Variants in CACNA2D3 observed in about 807,000 individuals in gnomAD.
The protein encoded by CACNA2D3 is calcium voltage-gated channel auxiliary subunit alpha2delta 3.
In CACNA2D3, 60 loss-of-function variants were observed where a neutral mutation model predicts 160.6. The ratio of observed to expected loss-of-function variants is 0.37; its 90% CI spans 0.30 to 0.46. The LOEUF (loss-of-function observed/expected upper bound fraction) is 0.46, where lower values mean the gene tolerates loss of function less well. Among genes scored for constraint, CACNA2D3 ranks in the 20% least tolerant of loss-of-function variants. The pLI, the probability that CACNA2D3 is intolerant of heterozygous loss-of-function variation, is 1.00. For missense variants in CACNA2D3, 1,205 were observed against 1,365.0 expected, an observed-to-expected ratio of 0.88 and a Z score of 1.85; for synonymous variants, 558 against 492.9, an observed-to-expected ratio of 1.13 and a Z score of -1.75.
At position 54,532,131 on chromosome 3, in the gene CACNA2D3, G is replaced by A. The variant is rs568549979; in HGVS notation, c.544+28477G>A. On this transcript the variant is annotated intron_variant, in intron 5 of 37. Transcript: ENST00000474759. Reference sequence around the variant, plus strand: ...ATGTAGGGGGTAAAAGTGTGGGGAAGAGAAAGAGAGATCCAATTGTTACTG... The same window carrying A: ...ATGTAGGGGGTAAAAGTGTGGGGAAAAGAAAGAGAGATCCAATTGTTACTG... 2.1e-4 allele frequency among the ~76,000 whole-genome samples: 32 copies of A among 152,264 alleles called. No individual in the cohort carries two copies. In the South Asian group the frequency reaches 5.8e-3, roughly 28 times the overall value.
intron 5 of CACNA2D3, among the ~76,000 whole-genome samples, chr3:54,538,632 C>T (rs148508682): frequency 1.3e-5 from 2 of 152,250 alleles, no homozygotes; most frequent in African/African-American, 4.8e-5. Context: ...AAGGGAAGGC[C>T]GGCTTTCTCC....
intron 3 of CACNA2D3, among the ~76,000 whole-genome samples, chr3:54,322,343 C>T (rs939781158): frequency 1.3e-5 from 2 of 152,212 alleles, no homozygotes; most frequent in Non-Finnish European, 1.5e-5. Flanking sequence ...GGCGGCATTA[C>T]GAGAAGTCAA....
chr3:55,038,907 T>TATATACACAC (rs1553636480), intron 35 of CACNA2D3, among the ~76,000 whole-genome samples: 18 of 113,060 alleles, frequency 1.6e-4, no homozygotes, highest in African/African-American at 5.4e-4. Context: ...TATATATATA[T>TATATACACAC]ACACACACTG....
At position 54,428,545 on chromosome 3, in the gene CACNA2D3, G is replaced by A. The variant is rs763593389; in HGVS notation, c.381+41771G>A. Among the ~76,000 whole-genome samples the A allele has an allele frequency of 2.0e-5, 3 of 151,760 alleles. No homozygotes were observed. In the East Asian group the frequency reaches 5.8e-4, roughly 29 times the overall value. On this transcript the variant is annotated intron_variant, in intron 4 of 37. Coordinates refer to ENST00000474759, the MANE Select transcript of CACNA2D3 (RefSeq NM_018398.3). Reference sequence around the variant, plus strand: ...TAAAAAAAGTCTTTAAAAATGTTGGGCCAGAGTTAAAAAATCTGGAACTTT... The same window carrying A: ...TAAAAAAAGTCTTTAAAAATGTTGGACCAGAGTTAAAAAATCTGGAACTTT...
At chr3:54,195,667 G>A (rs2107342972) in intron 2 of CACNA2D3, among the ~76,000 whole-genome samples, 1 of 152,328 alleles carries the variant, frequency 6.6e-6, no homozygotes, top group Non-Finnish European at 1.5e-5. Context: ...CAGGTCTAGG[G>A]AGACGTGGGG....
intron 8 of CACNA2D3, among the ~76,000 whole-genome samples, chr3:54,571,289 A>G (rs1035156549): frequency 3.3e-5 from 5 of 152,162 alleles, no homozygotes; most frequent in Non-Finnish European, 5.9e-5. Context: ...AATATTTCTT[A>G]TCAGACTTAA....
chr3:54,804,809 C>T (rs1353867942), intron 13 of CACNA2D3, among the ~76,000 whole-genome samples: 2 of 152,172 alleles, frequency 1.3e-5, no homozygotes, highest in Non-Finnish European at 2.9e-5. Flanking sequence ...AAGTAAAGCT[C>T]TCCTCAGCAA....
At chr3:54,444,649 C>A (rs899626072) in intron 4 of CACNA2D3, among the ~76,000 whole-genome samples, 2 of 152,048 alleles carry the variant, frequency 1.3e-5, no homozygotes, top group Non-Finnish European at 2.9e-5. Context: ...TCAAACATCT[C>A]CTCTCTAGAG....
At chr3:54,751,531 T>G (rs1412610269) in intron 11 of CACNA2D3, among the ~76,000 whole-genome samples, 1 of 152,154 alleles carries the variant, frequency 6.6e-6, no homozygotes, top group Non-Finnish European at 1.5e-5. Context: ...CCCAGCCAGG[T>G]AAAGGAGACA....
intron 2 of CACNA2D3, among the ~76,000 whole-genome samples, chr3:54,230,784 T>C (rs1161829355): frequency 6.6e-6 from 1 of 152,248 alleles, no homozygotes; most frequent in East Asian, 1.9e-4. Context: ...TAGGTAGATG[T>C]AGATAAATCT....
In CACNA2D3 at chr3:55,053,974, C is replaced by CT. The variant is rs797013275; in HGVS notation, c.2988-19463dup. On this transcript the variant is annotated intron_variant, in intron 35 of 37. Coordinates refer to ENST00000474759, the MANE Select transcript of CACNA2D3 (RefSeq NM_018398.3). ...TAGTTGATTTCTGCTTGTTCATCCT[C>CT]TTTTTTTTCTGTCTTTTATATTGAC... Among the ~76,000 whole-genome samples, 371 of 151,560 alleles carry CT rather than the reference C, an allele frequency of 2.4e-3. 3 individuals carry two copies. The highest frequency in any genetic ancestry group is 7.6e-3 in the African/African-American group (315 of 41,386).
At chr3:54,693,946 CAGTT>C (rs1449178434) in intron 11 of CACNA2D3, among the ~76,000 whole-genome samples, 2 of 152,070 alleles carry the variant, frequency 1.3e-5, no homozygotes, top group Non-Finnish European at 2.9e-5. Context: ...ATAAAAGTCA[CAGTT>C]AGCTTAGATA....
chr3:54,888,081 T>A, intron 24 of CACNA2D3, 29 bp downstream of exon 24: 1 of 1,510,686 alleles, frequency 6.6e-7, no homozygotes, highest in Non-Finnish European at 9.2e-7. Flanking sequence ...CCTCGTTTCA[T>A]GGCCATTTCC....
At chr3:54,628,709 C>T (rs1271639499) in intron 10 of CACNA2D3, among the ~76,000 whole-genome samples, 1 of 152,100 alleles carries the variant, frequency 6.6e-6, no homozygotes, top group Non-Finnish European at 1.5e-5. Context: ...TTAATTCGGG[C>T]AATTGATGGC....
chr3:54,468,517 C>T (rs1700669419), intron 4 of CACNA2D3, among the ~76,000 whole-genome samples: 1 of 152,234 alleles, frequency 6.6e-6, no homozygotes, highest in South Asian at 2.1e-4. Context: ...TTTGGTCAGA[C>T]ACTGAGCTAG....
chr3:54,896,698 C>A lies in CACNA2D3; in HGVS notation c.2247-51C>A, dbSNP rs894681702. 11 of 1,613,182 alleles carry A rather than the reference C, an allele frequency of 6.8e-6. 1 individual carries two copies. In the South Asian group the frequency reaches 9.9e-5, roughly 14 times the overall value. ...AGGCTGTCGGGGTGCTCCAGGCCCACCTTTACTCTGCTGAGTGATGCATGT... is the reference window on the plus strand; with the variant it reads ...AGGCTGTCGGGGTGCTCCAGGCCCAACTTTACTCTGCTGAGTGATGCATGT... On this transcript the variant is annotated intron_variant, in intron 25 of 37. Coordinates refer to ENST00000474759, the MANE Select transcript of CACNA2D3 (RefSeq NM_018398.3).
chr3:54,152,980 A>G (rs983991432), intron 2 of CACNA2D3, among the ~76,000 whole-genome samples: 1 of 152,208 alleles, frequency 6.6e-6, no homozygotes, highest in Non-Finnish European at 1.5e-5. Context: ...AGGGCTTGGG[A>G]GAGCTTTATC....
intron 32 of CACNA2D3, among the ~76,000 whole-genome samples, chr3:55,006,740 C>T (rs895698890): frequency 7.2e-5 from 11 of 152,206 alleles, no homozygotes; most frequent in African/African-American, 1.7e-4. Flanking sequence ...ACTTTCTGGC[C>T]GGACTGGGAA....
intron 13 of CACNA2D3, among the ~76,000 whole-genome samples, chr3:54,796,291 A>T (rs1436478164): frequency 6.6e-6 from 1 of 152,180 alleles, no homozygotes; most frequent in African/African-American, 2.4e-5. Context: ...CAGAGTGAAG[A>T]TGATTGTACT....
Sources: gnomAD v4.1 joint callset for allele counts (sites outside exome capture counted in the v4.1 genomes callset) on GRCh38, gnomAD v4.1.1 for gene constraint, MANE v1.5 for transcripts, NCBI Gene and HGNC (gene_info 2026-07-23, HGNC 2026-07-21) for gene names.